Variants in CSGALNACT1 observed in about 807,000 individuals in gnomAD.
The protein encoded by CSGALNACT1 is chondroitin sulfate N-acetylgalactosaminyltransferase 1.
In CSGALNACT1, 52 loss-of-function variants were observed where a neutral mutation model predicts 51.0. The observed-to-expected ratio is 1.02, with a 90% CI of 0.82 to 1.29. The LOEUF (loss-of-function observed/expected upper bound fraction) is 1.29, where lower values mean the gene tolerates loss of function less well. Among genes scored for constraint, CSGALNACT1 ranks in the 50% most tolerant of loss-of-function variants. CSGALNACT1 has a pLI of 0.00. For missense variants in CSGALNACT1, 935 were observed against 679.2 expected (o/e 1.38, Z -4.19); for synonymous variants, 341 against 254.4 (o/e 1.34, Z -3.24).
intron 3 of CSGALNACT1, among the ~76,000 whole-genome samples, chr8:19,564,500 C>T (rs1033105409): frequency 2.6e-5 from 4 of 151,860 alleles, no homozygotes; most frequent in Admixed American, 6.6e-5. Flanking sequence ...CCTTTGTAAC[C>T]TAATTTCCCA....
At chr8:19,458,983 G>A (rs2064762733) in intron 4 of CSGALNACT1, among the ~76,000 whole-genome samples, 1 of 152,082 alleles carries the variant, frequency 6.6e-6, no homozygotes, top group Admixed American at 6.5e-5. Flanking sequence ...GGGATTATGT[G>A]TTTTTTTCTT....
intron 5 of CSGALNACT1, among the ~76,000 whole-genome samples, chr8:19,453,756 A>C (rs1436371323): frequency 6.6e-6 from 1 of 152,162 alleles, no homozygotes; most frequent in Non-Finnish European, 1.5e-5. Flanking sequence ...TACTAAAAGT[A>C]CCAAAAGCAG....
intron 6 of CSGALNACT1, among the ~76,000 whole-genome samples, chr8:19,431,474 C>T (rs13255677): frequency 0.5 from 75,041 of 151,534 alleles, 19,382 homozygotes; most frequent in East Asian, 0.84. Flanking sequence ...CATTGATTTT[C>T]GTATATTGAG....
At chr8:19,669,282 C>G (rs971928129) in intron 1 of CSGALNACT1, among the ~76,000 whole-genome samples, 1 of 152,196 alleles carries the variant, frequency 6.6e-6, no homozygotes, top group South Asian at 2.1e-4. Context: ...ATCTATGTTT[C>G]TGGAAGCAAA....
chr8:19,484,866 A>G (rs2090128573), intron 4 of CSGALNACT1, among the ~76,000 whole-genome samples: 1 of 152,242 alleles, frequency 6.6e-6, no homozygotes, highest in South Asian at 2.1e-4. Flanking sequence ...GACACACAGG[A>G]GAGACACCAG....
intron 1 of CSGALNACT1, among the ~76,000 whole-genome samples, chr8:19,629,799 A>T (rs1166090948): frequency 9.2e-5 from 14 of 152,228 alleles, no homozygotes. Flanking sequence ...TCCAGTAAGG[A>T]AACCTATGCT....
At chr8:19,544,533 G>T (rs1455644564) in intron 3 of CSGALNACT1, among the ~76,000 whole-genome samples, 1 of 152,120 alleles carries the variant, frequency 6.6e-6, no homozygotes, top group Non-Finnish European at 1.5e-5. Flanking sequence ...TGAAACCAAA[G>T]ATAACTCCGA....
At chr8:19,523,699 C>G (rs147288925) in intron 3 of CSGALNACT1, among the ~76,000 whole-genome samples, 58 of 152,242 alleles carry the variant, frequency 3.8e-4, no homozygotes, top group Middle Eastern at 3.4e-3. Flanking sequence ...CTATTAAATG[C>G]TTACTGCATG....
chr8:19,627,857 A>C (rs766966473), intron 1 of CSGALNACT1, among the ~76,000 whole-genome samples: 2 of 152,198 alleles, frequency 1.3e-5, no homozygotes, highest in Non-Finnish European at 1.5e-5. Context: ...TGAAAAAACT[A>C]GTGAAATCTG....
chr8:19,657,357 A>G (rs7828491), intron 1 of CSGALNACT1, among the ~76,000 whole-genome samples: 53,271 of 151,918 alleles, frequency 0.35, 10,131 homozygotes, highest in East Asian at 0.62. Flanking sequence ...TCGAATTTCT[A>G]TGAGAAAAGG....
At chr8:19,619,698 T>C (rs1339345319) in intron 1 of CSGALNACT1, among the ~76,000 whole-genome samples, 3 of 152,210 alleles carry the variant, frequency 2.0e-5, no homozygotes, top group African/African-American at 7.2e-5. Flanking sequence ...AACACAGTTT[T>C]GAACTGTTGA....
At chr8:19,624,207 T>C (rs990462203) in intron 1 of CSGALNACT1, among the ~76,000 whole-genome samples, 33 of 152,286 alleles carry the variant, frequency 2.2e-4, no homozygotes, top group African/African-American at 7.7e-4. Flanking sequence ...TGGTTCCTGA[T>C]AGCCCTTATT....
At chr8:19,415,171 T>C (rs1437073633) in intron 8 of CSGALNACT1, among the ~76,000 whole-genome samples, 1 of 152,148 alleles carries the variant, frequency 6.6e-6, no homozygotes, top group African/African-American at 2.4e-5. Context: ...TTCACCTCTA[T>C]AAAAAGAAGA....
At chr8:19,664,919 C>T (rs147619364) in intron 1 of CSGALNACT1, among the ~76,000 whole-genome samples, 10 of 152,250 alleles carry the variant, frequency 6.6e-5, no homozygotes, top group African/African-American at 2.4e-4. Context: ...CAACAAATTA[C>T]GTAATGGGTA....
chr8:19,480,832 C>T (rs1305985393), intron 4 of CSGALNACT1, among the ~76,000 whole-genome samples: 1 of 152,176 alleles, frequency 6.6e-6, no homozygotes, highest in Admixed American at 6.5e-5. Flanking sequence ...ACACCAACAA[C>T]ACTGGGAGGA....
chr8:19,464,447 G>C (rs546098547), intron 4 of CSGALNACT1, among the ~76,000 whole-genome samples: 16 of 152,118 alleles, frequency 1.1e-4, no homozygotes, highest in African/African-American at 2.9e-4. Context: ...CCCACCTACT[G>C]TACTAGTTTC....
chr8:19,631,457 T>G (rs2055246070), intron 1 of CSGALNACT1, among the ~76,000 whole-genome samples: 1 of 152,180 alleles, frequency 6.6e-6, no homozygotes, highest in African/African-American at 2.4e-5. Context: ...TTTTCTAGAC[T>G]AAAATAGAAA....
chr8:19,622,764 TAAAA>T (rs949168396), intron 1 of CSGALNACT1, among the ~76,000 whole-genome samples: 1 of 150,732 alleles, frequency 6.6e-6, no homozygotes, highest in Non-Finnish European at 1.5e-5. Flanking sequence ...AGGGGGGAAA[TAAAA>T]AAGTAATACT....
At chr8:19,721,488 T>A (rs2063126734) in intron 1 of CSGALNACT1, among the ~76,000 whole-genome samples, 1 of 152,098 alleles carries the variant, frequency 6.6e-6, no homozygotes, top group Non-Finnish European at 1.5e-5. Flanking sequence ...CAGGGGGAGA[T>A]AAGAAACTCG....
Sources: allele counts gnomAD v4.1 joint callset (sites outside exome capture counted in the v4.1 genomes callset), GRCh38; gene constraint gnomAD v4.1.1; transcripts MANE v1.5; gene names NCBI Gene and HGNC (gene_info 2026-07-23, HGNC 2026-07-21).